Variants in TRADD observed in about 807,000 individuals in gnomAD.
TRADD encodes the protein TNFRSF1A associated via death domain, also known as tumor necrosis factor receptor type 1-associated DEATH domain protein.
In TRADD, 14 loss-of-function variants were observed where a neutral mutation model predicts 31.5. That is an observed-to-expected ratio of 0.44 (90% CI 0.29 to 0.69). The LOEUF (loss-of-function observed/expected upper bound fraction) is 0.69. TRADD is among the 30% of genes least tolerant of loss of function. The pLI is 0.11. For missense variants in TRADD, 388 were observed against 435.7 expected (o/e 0.89, Z 0.97); for synonymous variants, 220 against 215.8 (o/e 1.02, Z -0.17).
At chr16:67,155,694 C>A in intron 2 of TRADD, 40 bp from the exon 3 acceptor site, 1 of 1,530,292 alleles carries the variant, frequency 6.5e-7, no homozygotes, top group Non-Finnish European at 8.7e-7. Flanking sequence ...GGTCCCCAAG[C>A]TCGGCCGTTC....
rs758346607 is a variant in TRADD, at chr16:67,156,420, ATCT to A, written c.151+87_151+89del. On this transcript the variant is annotated intron_variant, in intron 2 of 4. Transcript: ENST00000345057. This position sits in a 1 kb window ranked among gnomAD's most constrained non-coding sequence, Gnocchi z 4.6. ...CTCCGTCTTGCTCCTCCCACCCCAA[ATCT>A]TCTTCTTAAAGGTGGCTAAACCCAG... 2.1e-5 allele frequency: 33 copies of A among 1,588,980 alleles called. No individual in the cohort carries two copies. The highest frequency in any genetic ancestry group is 4.0e-5 in the African/African-American group (3 of 74,584).
In TRADD at chr16:67,155,520, G is replaced by T; in HGVS notation, c.286C>A (p.Arg96Ser). ...GCCAGGCTCCTCTGCAGCGCGGCGC[G>T]CAGCGCCCCCTCGCGGTAGGCGCGG... Reference protein sequence around the residue: ...FLRAYREGALRAALQRSLAAA... With the variant: ...FLRAYREGALSAALQRSLAAA... The change falls in exon 3 of 5, where the codon CGC becomes AGC. Residue 96 changes from arginine to serine, a missense_variant. Transcript: ENST00000345057. 1.3e-6 allele frequency: 2 copies of T among 1,524,456 alleles called. No individual in the cohort carries two copies. Among genetic ancestry groups the T allele is most frequent in the Non-Finnish European group, 1.7e-6 (2 of 1,144,136 alleles). 94.4% of individuals were successfully genotyped at this position (1,524,456 alleles called of 1,614,324 possible).
chr16:67,158,640 C>T lies in TRADD; in HGVS notation c.-9+1198G>A, dbSNP rs541276916. Among the ~76,000 whole-genome samples the T allele has an allele frequency of 4.6e-5, 7 of 152,176 alleles. No homozygotes were observed. The South Asian group carries it at 1.5e-3, about 32-fold the overall frequency. On this transcript the variant is annotated intron_variant, in intron 1 of 4. Transcript: ENST00000345057. ...TCTTTGTATTTAGCAATATTTTCTG[C>T]TTTATGTGAAGTAGACATATTTTCT...
At chr16:67,158,829 A>G (rs1461518494) in intron 1 of TRADD, among the ~76,000 whole-genome samples, 1 of 152,026 alleles carries the variant, frequency 6.6e-6, no homozygotes, top group African/African-American at 2.4e-5. Flanking sequence ...GAGAGTGGGA[A>G]CTTCCCCTGG....
In TRADD at chr16:67,154,515, A is replaced by G. The variant is rs2030578211; in HGVS notation, c.*134T>C. On this transcript the variant is annotated 3_prime_UTR_variant, in exon 5 of 5. Coordinates refer to ENST00000345057, the MANE Select transcript of TRADD (RefSeq NM_003789.4). The surrounding 1 kb of genome is among the most constrained non-coding windows in gnomAD (Gnocchi z 5.2). ...GTCTGGCTCCTGGGGAAGGCAATCA[A>G]CTCTGCCCCAGCAGGTCCAGCAGAT... The G allele has an allele frequency of 1.8e-6, 2 of 1,129,218 alleles. No homozygotes were observed. The highest frequency in any genetic ancestry group is 1.5e-5 in the African/African-American group (1 of 65,212). 69.9% of individuals were successfully genotyped at this position (1,129,218 alleles called of 1,614,324 possible).
Position 67,154,928 on chromosome 16 carries a change from C to A in TRADD, c.660G>T (p.Gln220His). Residue 220 changes from glutamine (Q) to histidine (H), a missense_variant, in exon 5 of 5, where the codon CAG becomes CAT. Coordinates refer to ENST00000345057, the MANE Select transcript of TRADD (RefSeq NM_003789.4). This position sits in a 1 kb window ranked among gnomAD's most constrained non-coding sequence, Gnocchi z 5.2. ...TGAGACCCACAGAGCGCGCGAACGT[C>A]TGTTGGTCCTTCAGGCTCAGCGGCC... ...VNRPLSLKDQ[Q>H]TFARSVGLKW... 6.2e-7 allele frequency: 1 copy of A among 1,609,640 alleles called. No homozygotes were observed. Among genetic ancestry groups the A allele is most frequent in the Non-Finnish European group, 8.5e-7 (1 of 1,178,522 alleles).
intron 1 of TRADD, among the ~76,000 whole-genome samples, chr16:67,158,124 CTGCGAT>C (rs2030767025): frequency 6.6e-6 from 1 of 152,210 alleles, no homozygotes; most frequent in Non-Finnish European, 1.5e-5. Context: ...TCCCAAAGTG[CTGCGAT>C]TACAGGAGTA....
Position 67,154,273 on chromosome 16 carries a change from T to TCTCGG in TRADD, c.*375_*376insCCGAG. The TCTCGG allele has an allele frequency of 1.4e-5, 5 of 350,726 alleles. No individual in the cohort carries two copies. Among genetic ancestry groups the TCTCGG allele is most frequent in the South Asian group, 3.4e-5 (1 of 29,806 alleles). The allele number at this position is 350,726 out of a possible 1,614,324, so 21.7% of individuals were successfully genotyped here. A position where few individuals can be genotyped will look rare whatever the true frequency, so the allele number is the denominator to read the frequency against. On this transcript the variant is annotated 3_prime_UTR_variant, in exon 5 of 5. Transcript: ENST00000345057. The surrounding 1 kb of genome is among the most constrained non-coding windows in gnomAD (Gnocchi z 5.2). ...GAGTGTGAGCTGGGGGCAGGCAAGATTGATTCCTGTTTTACTTCACTGCAG... is the reference window on the plus strand; with the variant it reads ...GAGTGTGAGCTGGGGGCAGGCAAGATCTCGGTGATTCCTGTTTTACTTCACTGCAG...
chr16:67,156,387 C>A lies in TRADD; in HGVS notation c.151+123G>T. ...AAGCAAAGAAGAGAGTCTGCACAGC[C>A]AGGGGTCCTCCGTCTTGCTCCTCCC... On this transcript the variant is annotated intron_variant, in intron 2 of 4. Transcript: ENST00000345057. This position sits in a 1 kb window ranked among gnomAD's most constrained non-coding sequence, Gnocchi z 4.6. 7 of 1,449,440 alleles carry A rather than the reference C, an allele frequency of 4.8e-6. No individual in the cohort carries two copies. The highest frequency in any genetic ancestry group is 6.6e-6 in the Non-Finnish European group (7 of 1,057,956). The allele number at this position is 1,449,440 out of a possible 1,614,324, so 89.8% of individuals were successfully genotyped here.
chr16:67,154,454 A>G lies in TRADD; in HGVS notation c.*195T>C, dbSNP rs562222700. 180 of 675,760 alleles carry G rather than the reference A, an allele frequency of 2.7e-4. 2 individuals are homozygous for G. Among genetic ancestry groups the G allele is most frequent in the South Asian group, 2.4e-3 (133 of 55,230 alleles). 41.9% of individuals were successfully genotyped at this position (675,760 alleles called of 1,614,324 possible). On this transcript the variant is annotated 3_prime_UTR_variant, in exon 5 of 5. Coordinates refer to ENST00000345057, the MANE Select transcript of TRADD (RefSeq NM_003789.4). This position sits in a 1 kb window ranked among gnomAD's most constrained non-coding sequence, Gnocchi z 5.2. ...CCCCCACCCCACACTCTATCAAAGTACCTGAGGCAGAATCCCCAATGATGC... is the reference window on the plus strand; with the variant it reads ...CCCCCACCCCACACTCTATCAAAGTGCCTGAGGCAGAATCCCCAATGATGC...
At position 67,155,070 on chromosome 16, in the gene TRADD, A is replaced by G. The variant is rs762438004; in HGVS notation, c.628+26T>C. On this transcript the variant is annotated intron_variant, in intron 4 of 4. Transcript: ENST00000345057. Reference sequence around the variant, plus strand: ...CTCCCCAGACTCCAACCTCCTGGTGACCCCGCCTCTCCACCTGCGCCTCAC... The same window carrying G: ...CTCCCCAGACTCCAACCTCCTGGTGGCCCCGCCTCTCCACCTGCGCCTCAC... The G allele has an allele frequency of 3.1e-6, 4 of 1,291,458 alleles. No homozygotes were observed. In the South Asian group the frequency reaches 3.7e-5, roughly 12 times the overall value. 80.0% of individuals were successfully genotyped at this position (1,291,458 alleles called of 1,614,324 possible). A position where few individuals can be genotyped will look rare whatever the true frequency, so the allele number is the denominator to read the frequency against.
In TRADD at chr16:67,155,298, G is replaced by C. The variant is rs750304996; in HGVS notation, c.430-4C>G. The C allele has an allele frequency of 8.7e-6, 14 of 1,610,442 alleles. No homozygotes were observed. In the Admixed American group the frequency reaches 2.2e-4, roughly 25 times the overall value. On this transcript the variant is annotated splice_polypyrimidine_tract_variant and splice_region_variant and intron_variant, in intron 3 of 4. Coordinates refer to ENST00000345057, the MANE Select transcript of TRADD (RefSeq NM_003789.4). Reference sequence around the variant, plus strand: ...CTTCATCCCGGAGCCGGTCGGGCTAGGGGAATGGAACGTGCCGTCACGGGG... The same window carrying C: ...CTTCATCCCGGAGCCGGTCGGGCTACGGGAATGGAACGTGCCGTCACGGGG...
rs755010230 is a variant in TRADD, at chr16:67,156,582, C to T, written c.79G>A (p.Val27Ile). 4 of 1,614,110 alleles carry T rather than the reference C, an allele frequency of 2.5e-6. No individual in the cohort carries two copies. The highest frequency in any genetic ancestry group is 3.4e-6 in the Non-Finnish European group (4 of 1,180,032). Reference sequence around the variant, plus strand: ...GGGTGCGCGTAGGCATCCGACAGGACCACCTTGTCCAGCGAGGACTCCACA... The same window carrying T: ...GGGTGCGCGTAGGCATCCGACAGGATCACCTTGTCCAGCGAGGACTCCACA... ...LFVESSLDKV[V>I]LSDAYAHPQQ... Residue 27 changes from valine to isoleucine, a missense_variant, in exon 2 of 5, where the codon GTC (valine) becomes ATC (isoleucine). Coordinates refer to ENST00000345057, the MANE Select transcript of TRADD (RefSeq NM_003789.4). This position sits in a 1 kb window ranked among gnomAD's most constrained non-coding sequence, Gnocchi z 4.6.
chr16:67,158,826 G>A (rs1330004717), intron 1 of TRADD, among the ~76,000 whole-genome samples: 1 of 152,114 alleles, frequency 6.6e-6, no homozygotes, highest in African/African-American at 2.4e-5. Context: ...GGAGAGAGTG[G>A]GAACTTCCCC....
In TRADD at chr16:67,156,039, C is replaced by T; in HGVS notation, c.152-385G>A. ...GAGGTCTCAGGTCTTCGGCCTCCAC[C>T]AAGCGCGACTCCCACTGCTCGGGAA... On this transcript the variant is annotated intron_variant, in intron 2 of 4. Coordinates refer to ENST00000345057, the MANE Select transcript of TRADD (RefSeq NM_003789.4). The surrounding 1 kb of genome is among the most constrained non-coding windows in gnomAD (Gnocchi z 4.6). The T allele has an allele frequency of 7.3e-7, 1 of 1,366,428 alleles. No individual in the cohort carries two copies. Among genetic ancestry groups the T allele is most frequent in the Non-Finnish European group, 9.6e-7 (1 of 1,040,122 alleles). The allele number at this position is 1,366,428 out of a possible 1,614,324, so 84.6% of individuals were successfully genotyped here. A position where few individuals can be genotyped will look rare whatever the true frequency, so the allele number is the denominator to read the frequency against.
At chr16:67,155,350 C>A in intron 3 of TRADD, 27 bp downstream of exon 3, 1 of 1,604,064 alleles carries the variant, frequency 6.2e-7, no homozygotes, top group East Asian at 2.2e-5. Flanking sequence ...CCCGCCCTAC[C>A]CCATCCTGAC....
intron 1 of TRADD, among the ~76,000 whole-genome samples, chr16:67,157,782 T>A (rs2030750391): frequency 6.6e-6 from 1 of 152,118 alleles, no homozygotes; most frequent in Non-Finnish European, 1.5e-5. Context: ...AAAACCTAGC[T>A]CTGGACCAGC....
chr16:67,159,200 G>A lies in TRADD; in HGVS notation c.-9+638C>T, dbSNP rs1417021040. ...ACCCACCAGGAGTCGTCCCTTTTTG[G>A]GCGGGGCTGAGGCTTCCAGGCTGGG... On this transcript the variant is annotated intron_variant, in intron 1 of 4. Transcript: ENST00000345057. This position sits in a 1 kb window ranked among gnomAD's most constrained non-coding sequence, Gnocchi z 6.8. Among the ~76,000 whole-genome samples, 2 of 152,218 alleles carry A rather than the reference G, an allele frequency of 1.3e-5. No homozygotes were observed. The highest frequency in any genetic ancestry group is 2.1e-4 in the South Asian group (1 of 4,838).
chr16:67,155,279 C>G lies in TRADD; in HGVS notation c.445G>C (p.Asp149His). 5 of 1,610,498 alleles carry G rather than the reference C, an allele frequency of 3.1e-6. No homozygotes were observed. The highest frequency in any genetic ancestry group is 4.2e-6 in the Non-Finnish European group (5 of 1,179,288). Residue 149 changes from aspartate to histidine, a missense_variant, in exon 4 of 5, where the codon GAT (aspartate) becomes CAT (histidine). Physicochemically the swap from Asp to His is moderately conservative, Grantham distance 81 (BLOSUM62 -1). Coordinates refer to ENST00000345057, the MANE Select transcript of TRADD (RefSeq NM_003789.4). ...TCCTCCAGCTCAGCCAGTTCTTCATCCCGGAGCCGGTCGGGCTAGGGGAAT... is the reference window on the plus strand; with the variant it reads ...TCCTCCAGCTCAGCCAGTTCTTCATGCCGGAGCCGGTCGGGCTAGGGGAAT... ...ILAQQPDRLR[D>H]EELAELEDAL...
Sources: gnomAD v4.1 joint callset for allele counts (sites outside exome capture counted in the v4.1 genomes callset) on GRCh38, gnomAD v4.1.1 for gene constraint, Gnocchi (gnomAD v3.1) non-coding constraint, MANE v1.5 for transcripts, NCBI Gene and HGNC (gene_info 2026-07-23, HGNC 2026-07-21) for gene names.